The following CEP57 variants were observed in gnomAD, a reference collection of about 807,000 sequenced individuals.
The protein encoded by CEP57 is centrosomal protein 57, also known as centrosomal protein of 57 kDa.
CEP57 carries 40 observed loss-of-function variants against 68.0 expected under a neutral mutation model. The ratio of observed to expected loss-of-function variants is 0.59; its 90% CI spans 0.46 to 0.77. The LOEUF is 0.77. CEP57 is among the 30% of genes least tolerant of loss of function. CEP57 has a pLI of 0.00. For synonymous variants in CEP57, 219 were observed against 198.7 expected (o/e 1.10, Z -0.86); for missense variants, 606 against 580.7 (o/e 1.04, Z -0.45).
chr11:95,817,372 A>T (rs570574710), intron 4 of CEP57, among the ~76,000 whole-genome samples: 1 of 152,174 alleles, frequency 6.6e-6, no homozygotes, highest in Non-Finnish European at 1.5e-5. Flanking sequence ...TCTCAAAAAT[A>T]AAAAAAGTAT....
intron 8 of CEP57, among the ~76,000 whole-genome samples, chr11:95,823,677 T>C (rs1194701611): frequency 2.6e-5 from 4 of 152,214 alleles, no homozygotes; most frequent in African/African-American, 7.2e-5. Flanking sequence ...AAATTAACTG[T>C]AGTACATACT....
chr11:95,828,424 T>C lies in CEP57; in HGVS notation c.1127+397T>C, dbSNP rs1490280872. On this transcript the variant is annotated intron_variant, in intron 9 of 10. Transcript: ENST00000325542. The stretch of plus-strand genomic sequence containing the variant: ...TACAAACCTATACAGCATGTTACTC[T>C]ACTACTAAATACTATATGCAGTTGT... Among the ~76,000 whole-genome samples, 5 of 152,228 alleles carry C rather than the reference T, an allele frequency of 3.3e-5. No homozygotes were observed. In the South Asian group the frequency reaches 1.0e-3, roughly 32 times the overall value.
At chr11:95,794,291 C>T (rs77498708) in intron 1 of CEP57, 3 of 455,740 alleles carry the variant, frequency 6.6e-6, no homozygotes, top group African/African-American at 4.0e-5. Context: ...CAACCCGTAT[C>T]ATTTTCAAGA....
chr11:95,812,944 C>T lies in CEP57; in HGVS notation c.215C>T (p.Ala72Val), dbSNP rs1862131689. 1.2e-6 allele frequency: 2 copies of T among 1,613,874 alleles called. No homozygotes were observed. Among genetic ancestry groups the T allele is most frequent in the Non-Finnish European group, 1.7e-6 (2 of 1,179,942 alleles). The stretch of plus-strand genomic sequence containing the variant: ...TTGTATTTGGCAGCCATATTTTCTG[C>T]TCTTAAGAATCTTCAAGATAAGATT... Reference protein sequence around the residue: ...PESNSRAIFSALKNLQDKIRR... With the variant: ...PESNSRAIFSVLKNLQDKIRR... Residue 72 changes from alanine to valine, a missense_variant, in exon 3 of 11, where the codon GCT becomes GTT. Ala to Val is a moderately conservative substitution (Grantham distance 64). Transcript: ENST00000325542.
intron 2 of CEP57, among the ~76,000 whole-genome samples, chr11:95,811,799 G>A (rs934863582): frequency 9.2e-5 from 14 of 152,152 alleles, no homozygotes; most frequent in Admixed American, 5.2e-4. Context: ...ACTAGGAGTA[G>A]CATATTTTTC....
chr11:95,798,293 T>C (rs549105052), intron 1 of CEP57, among the ~76,000 whole-genome samples: 1 of 152,350 alleles, frequency 6.6e-6, no homozygotes, highest in South Asian at 2.1e-4. Flanking sequence ...GGAAGTAAAA[T>C]CTTTAATTTT....
intron 4 of CEP57, among the ~76,000 whole-genome samples, chr11:95,814,274 C>A (rs1862204027): frequency 6.6e-6 from 1 of 151,702 alleles, no homozygotes; most frequent in South Asian, 2.1e-4. Flanking sequence ...GTCTCAAACT[C>A]CTGGCCTCAA....
chr11:95,830,497 T>C (rs948281391), intron 10 of CEP57, among the ~76,000 whole-genome samples: 1 of 152,222 alleles, frequency 6.6e-6, no homozygotes, highest in Non-Finnish European at 1.5e-5. Flanking sequence ...AAAATTATTC[T>C]AAAAATAATG....
At chr11:95,809,190 C>G (rs1022993330) in intron 2 of CEP57, among the ~76,000 whole-genome samples, 1 of 152,058 alleles carries the variant, frequency 6.6e-6, no homozygotes, top group African/African-American at 2.4e-5. Flanking sequence ...TTCTTTGGGA[C>G]ACATTCAAAG....
intron 10 of CEP57, 143 bp from the exon 11 acceptor site, chr11:95,830,883 T>C (rs1273825135): frequency 1.7e-6 from 1 of 594,380 alleles, no homozygotes; most frequent in African/African-American, 2.1e-5. Context: ...TTTTGAAGTC[T>C]TTAAAAGAAA....
chr11:95,816,499 A>G (rs1439613519), intron 4 of CEP57, among the ~76,000 whole-genome samples: 4 of 152,198 alleles, frequency 2.6e-5, no homozygotes, highest in Non-Finnish European at 4.4e-5. Context: ...TAATAAGACA[A>G]CTTTAAGATG....
intron 1 of CEP57, among the ~76,000 whole-genome samples, chr11:95,792,578 T>C (rs1006730384): frequency 3.3e-5 from 5 of 152,254 alleles, no homozygotes; most frequent in Admixed American, 6.5e-5. Context: ...TTAATACTTA[T>C]ACGGTACCCT....
intron 7 of CEP57, 89 bp from the exon 8 acceptor site, chr11:95,822,410 G>A: frequency 2.1e-6 from 2 of 952,940 alleles, no homozygotes; most frequent in Non-Finnish European, 3.3e-6. Flanking sequence ...TAGCCTAGTA[G>A]TTAACTGAAG....
chr11:95,821,852 A>C lies in CEP57; in HGVS notation c.700-19A>C, dbSNP rs1234234874. On this transcript the variant is annotated intron_variant, in intron 6 of 10. Transcript: ENST00000325542. ...CTTTTATTTCTACAGCATTAACTTGAGGCTCTCATTTTTCCTAGTTGCAGA... is the reference window on the plus strand; with the variant it reads ...CTTTTATTTCTACAGCATTAACTTGCGGCTCTCATTTTTCCTAGTTGCAGA... 5 of 1,507,230 alleles carry C rather than the reference A, an allele frequency of 3.3e-6. No individual in the cohort carries two copies. The highest frequency in any genetic ancestry group is 4.6e-6 in the Non-Finnish European group (5 of 1,084,430). 93.4% of individuals were successfully genotyped at this position (1,507,230 alleles called of 1,614,324 possible).
At chr11:95,795,230 T>C (rs1365426595) in intron 1 of CEP57, among the ~76,000 whole-genome samples, 1 of 152,212 alleles carries the variant, frequency 6.6e-6, no homozygotes, top group Non-Finnish European at 1.5e-5. Flanking sequence ...AATGTTATGT[T>C]ACTCCATTTA....
At chr11:95,826,559 TAACA>T (rs1862751371) in intron 8 of CEP57, 1 of 151,902 alleles carries the variant, frequency 6.6e-6, no homozygotes, top group Non-Finnish European at 1.5e-5. Context: ...TTTACCTATA[TAACA>T]AACCTGCGCA....
At chr11:95,800,260 A>C (rs1453131607) in intron 2 of CEP57, among the ~76,000 whole-genome samples, 2 of 152,290 alleles carry the variant, frequency 1.3e-5, no homozygotes, top group African/African-American at 4.8e-5. Context: ...TCATTGCAGT[A>C]CTGAGATTCT....
intron 4 of CEP57, among the ~76,000 whole-genome samples, chr11:95,815,934 GAT>G (rs1862278625): frequency 6.6e-6 from 1 of 152,116 alleles, no homozygotes; most frequent in Admixed American, 6.6e-5. Flanking sequence ...TGCCTTGTGT[GAT>G]ATTTGACTTC....
At chr11:95,814,927 A>G (rs1862240548) in intron 4 of CEP57, among the ~76,000 whole-genome samples, 1 of 152,138 alleles carries the variant, frequency 6.6e-6, no homozygotes, top group African/African-American at 2.4e-5. Context: ...TTTGCGTATA[A>G]CCTACACCCA....
Sources: allele counts gnomAD v4.1 joint callset (sites outside exome capture counted in the v4.1 genomes callset), GRCh38; gene constraint gnomAD v4.1.1; transcripts MANE v1.5; gene names NCBI Gene and HGNC (gene_info 2026-07-23, HGNC 2026-07-21).